Variants in IREB2 observed in about 807,000 individuals in gnomAD.
The protein encoded by IREB2 is iron responsive element binding protein 2, also known as iron-responsive element-binding protein 2.
A neutral mutation model predicts 118.8 loss-of-function variants in IREB2; 39 were observed. That is an observed-to-expected ratio of 0.33 (90% CI 0.25 to 0.43). The LOEUF (loss-of-function observed/expected upper bound fraction) is 0.43, where lower values mean the gene tolerates loss of function less well. IREB2 is among the 20% of genes least tolerant of loss of function. The probability of loss-of-function intolerance (pLI) is 1.00; values close to 1 mark genes in which losing one functional copy is unlikely to be tolerated. For missense variants in IREB2, 900 were observed against 1,147.3 expected (o/e 0.78, Z 3.11); for synonymous variants, 372 against 392.2 (o/e 0.95, Z 0.61).
At chr15:78,491,602 A>G (rs1397704011) in intron 18 of IREB2, among the ~76,000 whole-genome samples, 7 of 152,078 alleles carry the variant, frequency 4.6e-5, no homozygotes, top group Admixed American at 3.3e-4. Flanking sequence ...GGTTCAAGCA[A>G]TTCTCCTACC....
At chr15:78,438,761 A>G in intron 1 of IREB2, 1 of 278,182 alleles carries the variant, frequency 3.6e-6, no homozygotes, top group Non-Finnish European at 7.0e-6. Flanking sequence ...TTCGGGTCTC[A>G]CGCAGCTAGA....
chr15:78,456,558 CTG>C (rs1418580465), intron 2 of IREB2, among the ~76,000 whole-genome samples: 3 of 151,330 alleles, frequency 2.0e-5, no homozygotes, highest in African/African-American at 7.3e-5. Flanking sequence ...CTCAGCTACT[CTG>C]GAGGCTGAGG....
chr15:78,478,776 C>T (rs1596006226), intron 10 of IREB2, among the ~76,000 whole-genome samples: 1 of 152,178 alleles, frequency 6.6e-6, no homozygotes, highest in South Asian at 2.1e-4. Context: ...AGCTCTAAGA[C>T]GTGTTAGCTG....
chr15:78,445,855 G>A (rs150310841), intron 2 of IREB2, among the ~76,000 whole-genome samples: 114 of 152,264 alleles, frequency 7.5e-4, no homozygotes, highest in Non-Finnish European at 1.5e-3. Context: ...TTCGATCATG[G>A]CTCACTGCAG....
chr15:78,476,396 C>T lies in IREB2; in HGVS notation c.1195+37C>T, dbSNP rs753844453. The T allele has an allele frequency of 7.2e-6, 10 of 1,380,708 alleles. No homozygotes were observed. The East Asian group carries it at 2.1e-4, about 29-fold the overall frequency. The allele number at this position is 1,380,708 out of a possible 1,614,324, so 85.5% of individuals were successfully genotyped here. On this transcript the variant is annotated intron_variant, in intron 9 of 21. Coordinates refer to ENST00000258886, the MANE Select transcript of IREB2 (RefSeq NM_004136.4). ...AAAGATCACTAGAATAAACATGTTA[C>T]ATTTCCAATGTGTTTGATAATATTT...
Position 78,494,210 on chromosome 15 carries a change from G to T in IREB2, c.2541G>T (p.Lys847Asn). Residue 847 changes from lysine (K) to asparagine (N), a missense_variant, in exon 20 of 22, where the codon AAG (lysine) becomes AAT (asparagine). Physicochemically the swap from Lys to Asn is moderately conservative, Grantham distance 94. Transcript: ENST00000258886. ...TCCCACTGATTATTTTAGCAGGAAAGAAATATGGTTCAGGAAACTCCAGAG... is the reference window on the plus strand; with the variant it reads ...TCCCACTGATTATTTTAGCAGGAAATAAATATGGTTCAGGAAACTCCAGAG... Reference protein sequence around the residue: ...EGIPLIILAGKKYGSGNSRDW... With the variant: ...EGIPLIILAGNKYGSGNSRDW... 6.2e-7 allele frequency: 1 copy of T among 1,614,072 alleles called. No individual in the cohort carries two copies. The highest frequency in any genetic ancestry group is 8.5e-7 in the Non-Finnish European group (1 of 1,179,970).
chr15:78,489,409 C>A (rs1402974536), intron 16 of IREB2, among the ~76,000 whole-genome samples: 3 of 152,084 alleles, frequency 2.0e-5, no homozygotes, highest in Admixed American at 1.3e-4. Context: ...ATTAGGTGTT[C>A]AGAATACATC....
chr15:78,488,595 C>A, intron 15 of IREB2, 52 bp from the exon 16 acceptor site: 1 of 1,538,624 alleles, frequency 6.5e-7, no homozygotes, highest in Non-Finnish European at 8.8e-7. Flanking sequence ...AAGGTATGAA[C>A]ATTTTCAGAG....
intron 2 of IREB2, among the ~76,000 whole-genome samples, chr15:78,444,710 A>C (rs950563899): frequency 7.2e-5 from 11 of 152,220 alleles, no homozygotes; most frequent in African/African-American, 2.7e-4. Flanking sequence ...AATATATGTA[A>C]ATATGCTACT....
intron 10 of IREB2, 33 bp downstream of exon 10, chr15:78,478,430 A>C (rs775512714): frequency 3.1e-6 from 4 of 1,303,442 alleles, no homozygotes; most frequent in Admixed American, 3.4e-5. Flanking sequence ...CGTAGCAAAG[A>C]GTGTAAATTG....
intron 18 of IREB2, among the ~76,000 whole-genome samples, chr15:78,492,608 G>T (rs1306166701): frequency 1.3e-5 from 2 of 151,800 alleles, no homozygotes; most frequent in African/African-American, 2.4e-5. Context: ...CTCTTGCCTG[G>T]GCTGAAAGGC....
At chr15:78,442,627 A>T (rs975683995) in intron 2 of IREB2, among the ~76,000 whole-genome samples, 2 of 152,246 alleles carry the variant, frequency 1.3e-5, no homozygotes, top group Non-Finnish European at 2.9e-5. Context: ...CTGCAGCTGC[A>T]AAGAACTGAA....
chr15:78,494,678 G>A (rs1056810279), intron 20 of IREB2, among the ~76,000 whole-genome samples: 2 of 152,068 alleles, frequency 1.3e-5, no homozygotes, highest in African/African-American at 4.8e-5. Flanking sequence ...GGTGCAATCA[G>A]TTCTCCTGCC....
At chr15:78,463,163 G>A in intron 3 of IREB2, 76 bp downstream of exon 3, 4 of 1,291,546 alleles carry the variant, frequency 3.1e-6, no homozygotes, top group Non-Finnish European at 3.2e-6. Flanking sequence ...TCTTGGGTAG[G>A]TGTGGTTGTT....
At chr15:78,464,303 C>T (rs371054838) in intron 3 of IREB2, among the ~76,000 whole-genome samples, 1 of 152,176 alleles carries the variant, frequency 6.6e-6, no homozygotes. Flanking sequence ...TTTGCCTGAT[C>T]TAGGTGTCCA....
intron 8 of IREB2, 57 bp from the exon 9 acceptor site, chr15:78,476,131 T>C: frequency 7.8e-7 from 1 of 1,284,044 alleles, no homozygotes. Context: ...TTTCAGACAA[T>C]CGTTGCTAAT....
chr15:78,452,290 G>T (rs943959384), intron 2 of IREB2, among the ~76,000 whole-genome samples: 1 of 152,200 alleles, frequency 6.6e-6, no homozygotes, highest in Non-Finnish European at 1.5e-5. Flanking sequence ...GGAAGGGGCA[G>T]AGGGGAAATC....
intron 13 of IREB2, among the ~76,000 whole-genome samples, chr15:78,486,373 G>A (rs1387424114): frequency 1.3e-5 from 2 of 152,142 alleles, no homozygotes; most frequent in African/African-American, 2.4e-5. Flanking sequence ...TGGGGAGGCC[G>A]AGGCAGGCAA....
At chr15:78,476,953 T>A (rs2051481731) in intron 9 of IREB2, among the ~76,000 whole-genome samples, 1 of 152,240 alleles carries the variant, frequency 6.6e-6, no homozygotes, top group Non-Finnish European at 1.5e-5. Context: ...TCTCTTTTTT[T>A]AATCTCTTTA....
Sources: gnomAD v4.1 joint callset for allele counts (sites outside exome capture counted in the v4.1 genomes callset) on GRCh38, gnomAD v4.1.1 for gene constraint, MANE v1.5 for transcripts, NCBI Gene and HGNC (gene_info 2026-07-23, HGNC 2026-07-21) for gene names.